SLC17A6: variants seen among roughly 807,000 people sequenced by gnomAD.
SLC17A6 encodes solute carrier family 17 member 6.
SLC17A6 carries 35 observed loss-of-function variants against 67.1 expected under a neutral mutation model. The observed-to-expected ratio is 0.52, with a 90% CI of 0.40 to 0.69. The LOEUF (loss-of-function observed/expected upper bound fraction) is 0.69. SLC17A6 is among the 30% of genes least tolerant of loss of function. The pLI is 0.00. For missense variants in SLC17A6, 588 were observed against 723.9 expected, an observed-to-expected ratio of 0.81 and a Z score of 2.15; for synonymous variants, 285 against 252.3, an observed-to-expected ratio of 1.13 and a Z score of -1.23.
intron 3 of SLC17A6, among the ~76,000 whole-genome samples, chr11:22,356,994 T>G (rs1326168086): frequency 6.6e-6 from 1 of 152,236 alleles, no homozygotes; most frequent in Non-Finnish European, 1.5e-5. Flanking sequence ...TTGTGAAGAT[T>G]ATCATTTAAA....
intron 6 of SLC17A6, among the ~76,000 whole-genome samples, chr11:22,363,251 AG>A (rs1321384102): frequency 6.7e-6 from 1 of 149,472 alleles, no homozygotes; most frequent in African/African-American, 2.4e-5. Context: ...GAAAGCTGAA[AG>A]GGGGTGGTGG....
chr11:22,338,746 T>C (rs1855765393), intron 1 of SLC17A6, 127 bp downstream of exon 1: 1 of 698,820 alleles, frequency 1.4e-6, no homozygotes, highest in Non-Finnish European at 2.5e-6. Context: ...TGCCCATTGC[T>C]TGGAGCGGGG....
intron 7 of SLC17A6, among the ~76,000 whole-genome samples, chr11:22,366,240 T>C (rs1351845891): frequency 6.6e-6 from 1 of 152,144 alleles, no homozygotes; most frequent in Non-Finnish European, 1.5e-5. Flanking sequence ...TATAACAATA[T>C]ACTGTAAGGA....
At chr11:22,366,154 A>T (rs1410346181) in intron 7 of SLC17A6, among the ~76,000 whole-genome samples, 1 of 152,110 alleles carries the variant, frequency 6.6e-6, no homozygotes, top group Non-Finnish European at 1.5e-5. Context: ...CTATACATAC[A>T]TACCTATGAT....
At position 22,377,734 on chromosome 11, in the gene SLC17A6, T is replaced by C. The variant is rs1856248365; in HGVS notation, c.1743T>C (p.Tyr581=). The C allele has an allele frequency of 1.3e-6, 2 of 1,554,746 alleles. No homozygotes were observed. The highest frequency in any genetic ancestry group is 1.2e-5 in the South Asian group (1 of 81,982). ...ATAGCTATAAGGACCGAGTTGATTATTCATAACAAAACTAATTACTGGATT... is the reference window on the plus strand; with the variant it reads ...ATAGCTATAAGGACCGAGTTGATTACTCATAACAAAACTAATTACTGGATT... ...DSHSYKDRVD[Y]S is the part of the protein sequence containing the mutation. The change falls in exon 12 of 12, where the codon TAT becomes TAC. Residue 581 remains tyrosine, a synonymous_variant. Coordinates refer to ENST00000263160, the MANE Select transcript of SLC17A6 (RefSeq NM_020346.3).
At chr11:22,370,651 A>G (rs1421846432) in intron 8 of SLC17A6, among the ~76,000 whole-genome samples, 6 of 152,284 alleles carry the variant, frequency 3.9e-5, no homozygotes, top group Non-Finnish European at 8.8e-5. Flanking sequence ...AAAATCTGAA[A>G]ACACTCTTAT....
chr11:22,374,680 C>A, intron 8 of SLC17A6, 75 bp from the exon 9 acceptor site: 1 of 1,252,024 alleles, frequency 8.0e-7, no homozygotes, highest in Non-Finnish European at 1.1e-6. Flanking sequence ...ATGACAGATT[C>A]AGAAACAAAG....
chr11:22,347,020 C>T (rs957286060), intron 3 of SLC17A6, among the ~76,000 whole-genome samples: 1 of 151,670 alleles, frequency 6.6e-6, no homozygotes. Context: ...TAATACCCTG[C>T]TCCTATCCTC....
intron 3 of SLC17A6, among the ~76,000 whole-genome samples, chr11:22,352,558 T>G (rs1360639408): frequency 6.6e-6 from 1 of 152,222 alleles, no homozygotes; most frequent in African/African-American, 2.4e-5. Context: ...TGCTCATTCC[T>G]GAGAACATGC....
intron 3 of SLC17A6, among the ~76,000 whole-genome samples, chr11:22,346,249 A>G (rs1010161745): frequency 6.6e-6 from 1 of 152,186 alleles, no homozygotes; most frequent in Non-Finnish European, 1.5e-5. Flanking sequence ...CAGCCACTCA[A>G]GAGAGAAGGG....
chr11:22,338,647 TG>T (rs1473173685), intron 1 of SLC17A6, 28 bp downstream of exon 1: 12 of 1,544,582 alleles, frequency 7.8e-6, no homozygotes, highest in Non-Finnish European at 9.8e-6. Flanking sequence ...CTTGCTTACC[TG>T]GGGCTCAGCA....
At chr11:22,339,089 T>A (rs1039820237) in intron 1 of SLC17A6, among the ~76,000 whole-genome samples, 1 of 98,654 alleles carries the variant, frequency 1.0e-5, no homozygotes. Context: ...TATATATATA[T>A]GTTATATATA....
At position 22,341,611 on chromosome 11, in the gene SLC17A6, C is replaced by T. The variant is rs199699968; in HGVS notation, c.170C>T (p.Ala57Val). The change falls in exon 2 of 12, where the codon GCG becomes GTG. Residue 57 changes from alanine to valine, a missense_variant. By Grantham distance (64) the Ala-to-Val change is moderately conservative. This residue lies in a region of SLC17A6 where 117 missense variants were observed against 98.7 expected (regional missense o/e 1.19). Transcript: ENST00000263160. The part of the protein sequence containing the change: ...GKPLEVPERK[A>V]PLCDCTCFGL... ...CCCCTAGAGGTGCCCGAGAGGAAGGCGCCGCTGTGCGACTGCACGTGCTTC... is the reference window on the plus strand; with the variant it reads ...CCCCTAGAGGTGCCCGAGAGGAAGGTGCCGCTGTGCGACTGCACGTGCTTC... 6.2e-7 allele frequency: 1 copy of T among 1,614,044 alleles called. No individual in the cohort carries two copies. The highest frequency in any genetic ancestry group is 8.5e-7 in the Non-Finnish European group (1 of 1,180,018).
At chr11:22,368,881 T>C (rs1160159932) in intron 7 of SLC17A6, among the ~76,000 whole-genome samples, 1 of 152,020 alleles carries the variant, frequency 6.6e-6, no homozygotes, top group African/African-American at 2.4e-5. Flanking sequence ...TAGGACAGAT[T>C]TTTGTTTTTG....
At chr11:22,362,061 T>C (rs1405847236) in intron 5 of SLC17A6, among the ~76,000 whole-genome samples, 2 of 151,972 alleles carry the variant, frequency 1.3e-5, no homozygotes, top group East Asian at 3.9e-4. Context: ...AATAACCCAC[T>C]ATGTAAAATT....
intron 3 of SLC17A6, 101 bp from the exon 4 acceptor site, chr11:22,359,312 T>A: frequency 1.6e-6 from 1 of 628,418 alleles, no homozygotes; most frequent in Admixed American, 4.1e-5. Flanking sequence ...TATTGGCGAT[T>A]TTTTTATTAC....
rs1856100382 is a variant in SLC17A6 at position 22,365,420 on chromosome 11, T to G, written c.749-127T>G. 3 of 1,114,420 alleles carry G rather than the reference T, an allele frequency of 2.7e-6. No individual in the cohort carries two copies. The South Asian group carries it at 4.0e-5, about 15-fold the overall frequency. The allele number at this position is 1,114,420 out of a possible 1,614,324, so 69.0% of individuals were successfully genotyped here. ...GAGAAGAAAAGATGGCTAACGTCAG[T>G]TGGAGAAACATAAGCTTGAATTCTT... On this transcript the variant is annotated intron_variant, in intron 6 of 11. Coordinates refer to ENST00000263160, the MANE Select transcript of SLC17A6 (RefSeq NM_020346.3).
chr11:22,369,964 C>A lies in SLC17A6; in HGVS notation c.892-75C>A, dbSNP rs1260126886. Reference sequence around the variant, plus strand: ...ACCTGTCATATACATCCTGAAAATGCAAAGCACCTATTATTCCCACTTAGG... The same window carrying A: ...ACCTGTCATATACATCCTGAAAATGAAAAGCACCTATTATTCCCACTTAGG... On this transcript the variant is annotated intron_variant, in intron 7 of 11. Transcript: ENST00000263160. 9 of 1,422,398 alleles carry A rather than the reference C, an allele frequency of 6.3e-6. No individual in the cohort carries two copies. The East Asian group carries it at 2.1e-4, about 33-fold the overall frequency. The allele number at this position is 1,422,398 out of a possible 1,614,324, so 88.1% of individuals were successfully genotyped here. A position where few individuals can be genotyped will look rare whatever the true frequency, so the allele number is the denominator to read the frequency against.
intron 1 of SLC17A6, 140 bp from the exon 2 acceptor site, chr11:22,341,388 C>A: frequency 7.9e-7 from 1 of 1,272,798 alleles, no homozygotes; most frequent in African/African-American, 1.5e-5. Flanking sequence ...TGGTGTCACC[C>A]CACCACCCTA....
Sources: gnomAD v4.1 joint callset for allele counts (sites outside exome capture counted in the v4.1 genomes callset) on GRCh38, gnomAD v4.1.1 for gene constraint, gnomAD v4.1.1 regional missense constraint, MANE v1.5 for transcripts, NCBI Gene and HGNC (gene_info 2026-07-23, HGNC 2026-07-21) for gene names.